GOSR2: variants seen among roughly 807,000 people sequenced by gnomAD.
GOSR2 encodes 27 kDa Golgi SNARE protein.
A neutral mutation model predicts 27.9 loss-of-function variants in GOSR2; 20 were observed. The ratio of observed to expected loss-of-function variants is 0.72; its 90% confidence interval spans 0.50 to 1.04. The LOEUF (loss-of-function observed/expected upper bound fraction) is 1.04. Ranked by LOEUF, GOSR2 falls within the 50% of genes least tolerant of loss-of-function variation. GOSR2 has a pLI of 0.00. For missense variants in GOSR2, 261 were observed against 270.5 expected (o/e 0.97, Z 0.25); for synonymous variants, 91 against 98.8 (o/e 0.92, Z 0.47).
intron 6 of GOSR2, among the ~76,000 whole-genome samples, chr17:46,962,124 G>A (rs943695953): frequency 6.6e-6 from 1 of 152,064 alleles, no homozygotes; most frequent in Non-Finnish European, 1.5e-5. Flanking sequence ...TCAGAAGCTC[G>A]AGACCAGTCT....
downstream of GOSR2, among the ~76,000 whole-genome samples, chr17:46,967,159 T>C (rs1201345568): frequency 6.6e-6 from 1 of 152,228 alleles, no homozygotes; most frequent in Admixed American, 6.5e-5. Context: ...CATAACAGGA[T>C]GCAGAGCGAG....
chr17:46,938,806 T>G lies in GOSR2; in HGVS notation c.*46T>G. 1 of 1,551,040 alleles carries G rather than the reference T, an allele frequency of 6.4e-7. No individual in the cohort carries two copies. Among genetic ancestry groups the G allele is most frequent in the South Asian group, 1.1e-5 (1 of 89,596 alleles). ...GAACAGCATTCCCACAGCCTGCAAG[T>G]GTGTGTGTGTGTGAAAGAGAGAGGG... On this transcript the variant is annotated 3_prime_UTR_variant, in exon 6 of 6. Coordinates refer to ENST00000640051, the MANE Select transcript of GOSR2 (RefSeq NM_004287.5).
At position 46,938,716 on chromosome 17, in the gene GOSR2, C is replaced by T. The variant is rs1273075831; in HGVS notation, c.595C>T (p.Leu199=). 6.2e-7 allele frequency: 1 copy of T among 1,613,864 alleles called. No individual in the cohort carries two copies. The highest frequency in any genetic ancestry group is 1.1e-5 in the South Asian group (1 of 91,048). ...GTACTTTATGATAGGTGGGATGCTG[C>T]TGACCTGTGTGGTCATGTTCCTCGT... The part of the protein sequence containing the change: ...DKYFMIGGML[L]TCVVMFLVVQ... The change falls in exon 6 of 6, where the codon CTG becomes TTG. Residue 199 remains leucine, a synonymous_variant. Transcript: ENST00000640051.
downstream of GOSR2, among the ~76,000 whole-genome samples, chr17:46,967,676 A>G (rs1175773055): frequency 6.6e-6 from 1 of 152,138 alleles, no homozygotes; most frequent in Non-Finnish European, 1.5e-5. Flanking sequence ...AGGGTTTAGG[A>G]CAGCCCCTAG....
rs533899699 is a variant in GOSR2 at position 46,958,243 on chromosome 17, A to C, written c.584-8291A>C. On this transcript the variant is annotated intron_variant, in intron 6 of 6. Transcript: ENST00000573224. The stretch of plus-strand genomic sequence containing the variant: ...GGCAGGGAAAGAAGTGGAGCCGTCA[A>C]CCTTCACATTTTACAGGCATACAAA... Among the ~76,000 whole-genome samples, 9 of 152,320 alleles carry C rather than the reference A, an allele frequency of 5.9e-5. No homozygotes were observed. In the East Asian group the frequency reaches 1.7e-3, roughly 29 times the overall value.
chr17:46,963,241 A>G (rs776358002), intron 6 of GOSR2, among the ~76,000 whole-genome samples: 3 of 152,200 alleles, frequency 2.0e-5, no homozygotes, highest in Admixed American at 6.5e-5. Context: ...TATAAAGATG[A>G]TCAGTTAAGT....
intron 6 of GOSR2, among the ~76,000 whole-genome samples, chr17:46,953,382 A>AT (rs2090501626): frequency 6.6e-6 from 1 of 152,092 alleles, no homozygotes; most frequent in African/African-American, 2.4e-5. Flanking sequence ...TGAGCTCATC[A>AT]TTTTTTATGG....
At position 46,939,807 on chromosome 17, in the gene GOSR2, G is replaced by GT; in HGVS notation, c.*1048dup. The GT allele has an allele frequency of 1.0e-6, 1 of 988,196 alleles. No homozygotes were observed. The highest frequency in any genetic ancestry group is 1.2e-6 in the Non-Finnish European group (1 of 831,216). 61.2% of individuals were successfully genotyped at this position (988,196 alleles called of 1,614,324 possible). ...CTGTGACCAGCCCCGGATTCAGGCT[G>GT]TACTAATACCAGGTATATTGTGGAA... On this transcript the variant is annotated 3_prime_UTR_variant, in exon 6 of 6. Transcript: ENST00000640051.
intron 6 of GOSR2, among the ~76,000 whole-genome samples, chr17:46,972,477 C>G (rs2091403282): frequency 6.6e-6 from 1 of 152,244 alleles, no homozygotes; most frequent in South Asian, 2.1e-4. Flanking sequence ...CCTTGCTGAA[C>G]CTCAGCTTTG....
At position 46,947,087 on chromosome 17, in the gene GOSR2, G is replaced by A. The variant is rs145169931; in HGVS notation, c.583+8383G>A. Among the ~76,000 whole-genome samples the A allele has an allele frequency of 7.1e-3, 1,085 of 152,244 alleles. 7 individuals are homozygous for A. The highest frequency in any genetic ancestry group is 0.011 in the Non-Finnish European group (779 of 68,010). ...AGTGGATTGTGGAAAGAGTAGGGAC[G>A]TATTAGGGTGAAGCTGGAGGTGGGT... On this transcript the variant is annotated intron_variant, in intron 6 of 6. Coordinates refer to the GOSR2 transcript ENST00000573224.
intron 1 of GOSR2, among the ~76,000 whole-genome samples, chr17:46,928,289 A>G (rs911565056): frequency 4.6e-5 from 7 of 152,166 alleles, no homozygotes; most frequent in Non-Finnish European, 2.9e-5. Flanking sequence ...ACTGGGCACA[A>G]GCTGAAGCCA....
intron 6 of GOSR2, among the ~76,000 whole-genome samples, chr17:46,954,980 T>G (rs962013304): frequency 6.7e-6 from 1 of 148,230 alleles, no homozygotes; most frequent in African/African-American, 2.7e-5. Context: ...ACAATTTGAC[T>G]TCCTCTTTTC....
In GOSR2 at chr17:46,940,951, C is replaced by G. The variant is rs993925648; in HGVS notation, c.*2191C>G. 33 of 1,248,178 alleles carry G rather than the reference C, an allele frequency of 2.6e-5. No homozygotes were observed. Among genetic ancestry groups the G allele is most frequent in the Non-Finnish European group, 3.4e-5 (33 of 981,520 alleles). 77.3% of individuals were successfully genotyped at this position (1,248,178 alleles called of 1,614,324 possible). On this transcript the variant is annotated 3_prime_UTR_variant, in exon 6 of 6. Transcript: ENST00000640051. ...TAGACCTTGGCCTAACAGTGTGACT[C>G]TCTCCACCGCCTCAGTGTAGGGAAG...
At chr17:46,969,547 G>A (rs1157593700), downstream of GOSR2, among the ~76,000 whole-genome samples, 1 of 152,334 alleles carries the variant, frequency 6.6e-6, no homozygotes, top group African/African-American at 2.4e-5. Flanking sequence ...ACCGTGGAAC[G>A]ATCAGGCTTC....
In GOSR2 at chr17:46,932,129, A is replaced by G. The variant is rs1598989011; in HGVS notation, c.266A>G (p.His89Arg). The G allele has an allele frequency of 1.2e-6, 2 of 1,613,990 alleles. No individual in the cohort carries two copies. The highest frequency in any genetic ancestry group is 1.3e-5 in the African/African-American group (1 of 74,918). The change falls in exon 4 of 6, where the codon CAT (histidine) becomes CGT (arginine). Residue 89 changes from histidine (H) to arginine (R), a missense_variant. Coordinates refer to ENST00000640051, the MANE Select transcript of GOSR2 (RefSeq NM_004287.5). ...HLQTALRNFQHRRHAREQQER... is the reference protein window; with the variant it reads ...HLQTALRNFQRRRHAREQQER... ...CAGACTGCGCTCAGAAACTTCCAGCATCGGCGCCATGCAAGGGAGCAGCAG... is the reference window on the plus strand; with the variant it reads ...CAGACTGCGCTCAGAAACTTCCAGCGTCGGCGCCATGCAAGGGAGCAGCAG...
At chr17:46,924,141 C>T (rs1052979314) in intron 1 of GOSR2, 2 of 323,678 alleles carry the variant, frequency 6.2e-6, no homozygotes, top group Non-Finnish European at 1.1e-5. Context: ...CCTTCCAGAA[C>T]ACCTAGTAAC....
At position 46,940,155 on chromosome 17, in the gene GOSR2, T is replaced by G; in HGVS notation, c.*1395T>G. On this transcript the variant is annotated 3_prime_UTR_variant, in exon 6 of 6. Transcript: ENST00000640051. ...CCTCCCCGCTGCTCTGTAGTCATGT[T>G]GGTCCTTTCAGGCACCTCTGTGGCA... The G allele has an allele frequency of 3.0e-6, 4 of 1,321,494 alleles. No homozygotes were observed. Among genetic ancestry groups the G allele is most frequent in the Non-Finnish European group, 3.9e-6 (4 of 1,031,256 alleles). The allele number at this position is 1,321,494 out of a possible 1,614,324, so 81.9% of individuals were successfully genotyped here.
At chr17:46,928,663 T>C (rs950588248) in intron 1 of GOSR2, among the ~76,000 whole-genome samples, 3 of 152,154 alleles carry the variant, frequency 2.0e-5, no homozygotes, top group African/African-American at 7.2e-5. Context: ...AGAAGGATGT[T>C]TACCAAACAG....
Position 46,932,672 on chromosome 17 carries a change from G to GT in GOSR2, c.336+475dup, listed in dbSNP as rs1351485146. ...TCTGAGCAGCAATTTGGAGGAATTT[G>GT]TTAACAGATGTTTAGGGTTAGATGG... On this transcript the variant is annotated intron_variant, in intron 4 of 5. Coordinates refer to ENST00000640051, the MANE Select transcript of GOSR2 (RefSeq NM_004287.5). The GT allele has an allele frequency of 2.8e-3, 658 of 238,386 alleles. 2 individuals carry two copies. The highest frequency in any genetic ancestry group is 0.014 in the African/African-American group (630 of 44,236). 14.8% of individuals were successfully genotyped at this position (238,386 alleles called of 1,614,324 possible). A position where few individuals can be genotyped will look rare whatever the true frequency, so the allele number is the denominator to read the frequency against.
Sources: gnomAD v4.1 joint callset for allele counts (sites outside exome capture counted in the v4.1 genomes callset) on GRCh38, gnomAD v4.1.1 for gene constraint, MANE v1.5 for transcripts, NCBI Gene and HGNC (gene_info 2026-07-23, HGNC 2026-07-21) for gene names.